VPS8: variants seen among roughly 807,000 people sequenced by gnomAD.
The protein encoded by VPS8 is vacuolar protein sorting-associated protein 8 homolog.
In VPS8, 129 loss-of-function variants were observed where a neutral mutation model predicts 216.4. The observed-to-expected ratio is 0.60, with a 90% CI of 0.52 to 0.69. The LOEUF (loss-of-function observed/expected upper bound fraction) is 0.69. Among genes scored for constraint, VPS8 ranks in the 30% least tolerant of loss-of-function variants. The pLI is 0.00. For missense variants in VPS8, 1,531 were observed against 1,683.5 expected (o/e 0.91, Z 1.59); for synonymous variants, 571 against 565.4 (o/e 1.01, Z -0.14).
Position 184,828,965 on chromosome 3 carries a change from T to C in VPS8, c.222+2734T>C, listed in dbSNP as rs1719404495. ...GATTAAGTTTGCCTGCTTTGAACTT[T>C]ATATAAATGGAATTATATAGTGTGT... On this transcript the variant is annotated intron_variant, in intron 3 of 47. Coordinates refer to ENST00000625842, the MANE Select transcript of VPS8 (RefSeq NM_001009921.3). 2.0e-5 allele frequency among the ~76,000 whole-genome samples: 3 copies of C among 152,252 alleles called. No homozygotes were observed. The South Asian group carries it at 6.2e-4, about 31-fold the overall frequency.
intron 37 of VPS8, among the ~76,000 whole-genome samples, chr3:184,960,109 A>G (rs989655838): frequency 6.6e-6 from 1 of 151,690 alleles, no homozygotes; most frequent in Non-Finnish European, 1.5e-5. Context: ...TGTCCTTGCG[A>G]TAGTTTGCTG....
chr3:185,028,265 T>A (rs1757663233), intron 46 of VPS8, among the ~76,000 whole-genome samples: 2 of 152,174 alleles, frequency 1.3e-5, no homozygotes, highest in East Asian at 3.8e-4. Flanking sequence ...TCACAGTGGG[T>A]CAGTGGGCGG....
In VPS8 at chr3:185,034,565, A is replaced by G. The variant is rs117971346; in HGVS notation, c.4056+10176A>G. ...TTTGTTGGATGCATAGTTTGAGAAT[A>G]TCTCCTCCTGTTCTGTAGATTGTCT... On this transcript the variant is annotated intron_variant, in intron 46 of 47. Transcript: ENST00000625842. Among the ~76,000 whole-genome samples the G allele has an allele frequency of 7.5e-4, 114 of 152,110 alleles. 1 individual carries two copies. In the East Asian group the frequency reaches 0.019, roughly 26 times the overall value.
chr3:184,954,119 T>G (rs922092401), intron 36 of VPS8, among the ~76,000 whole-genome samples: 2 of 152,170 alleles, frequency 1.3e-5, no homozygotes, highest in African/African-American at 4.8e-5. Context: ...ATTTACTGGT[T>G]TATAATAAAG....
intron 36 of VPS8, among the ~76,000 whole-genome samples, chr3:184,955,575 GT>G (rs1745445458): frequency 1.3e-5 from 2 of 151,756 alleles, no homozygotes; most frequent in Admixed American, 6.6e-5. Flanking sequence ...GGTGGTAGTG[GT>G]TCCCCGGGCC....
At chr3:184,846,427 C>T (rs1048022107) in intron 8 of VPS8, among the ~76,000 whole-genome samples, 1 of 152,182 alleles carries the variant, frequency 6.6e-6, no homozygotes, top group African/African-American at 2.4e-5. Flanking sequence ...CATCCATTGC[C>T]ACTCTTCTCT....
chr3:184,826,376 A>G, intron 3 of VPS8, 145 bp downstream of exon 3: 1 of 514,448 alleles, frequency 1.9e-6, no homozygotes, highest in Non-Finnish European at 3.3e-6. Flanking sequence ...ATTTAAATTA[A>G]TTATAATCAA....
At chr3:184,904,425 C>G (rs889985875) in intron 25 of VPS8, among the ~76,000 whole-genome samples, 29 of 152,322 alleles carry the variant, frequency 1.9e-4, no homozygotes, top group African/African-American at 7.0e-4. Flanking sequence ...TGAATTTTAT[C>G]AGATGCTTTT....
At position 184,942,886 on chromosome 3, in the gene VPS8, C is replaced by T. The variant is rs190840668; in HGVS notation, c.3035+2643C>T. On this transcript the variant is annotated intron_variant, in intron 36 of 47. Coordinates refer to ENST00000625842, the MANE Select transcript of VPS8 (RefSeq NM_001009921.3). ...ATAATACTAGTAACATATTGAGTTCCGGATTGAGGGAGAGAAAGTAGGTTA... is the reference window on the plus strand; with the variant it reads ...ATAATACTAGTAACATATTGAGTTCTGGATTGAGGGAGAGAAAGTAGGTTA... Among the ~76,000 whole-genome samples, 188 of 152,034 alleles carry T rather than the reference C, an allele frequency of 1.2e-3. 2 individuals are homozygous for T. Among genetic ancestry groups the T allele is most frequent in the African/African-American group, 4.3e-3 (180 of 41,460 alleles).
intron 44 of VPS8, 93 bp downstream of exon 44, chr3:184,996,594 T>C (rs955413192): frequency 1.6e-5 from 23 of 1,410,660 alleles, no homozygotes; most frequent in Admixed American, 2.2e-5. Context: ...GTAGTCATTC[T>C]AGCAGTGAAC....
At position 184,995,706 on chromosome 3, in the gene VPS8, G is replaced by A. The variant is rs149241022; in HGVS notation, c.3667-626G>A. ...AAACAATACTATATAAATACATAGAGCCTTAAAATGACTTAATGTGATAGC... is the reference window on the plus strand; with the variant it reads ...AAACAATACTATATAAATACATAGAACCTTAAAATGACTTAATGTGATAGC... On this transcript the variant is annotated intron_variant, in intron 43 of 47. Coordinates refer to ENST00000625842, the MANE Select transcript of VPS8 (RefSeq NM_001009921.3). 1.5e-3 allele frequency among the ~76,000 whole-genome samples: 232 copies of A among 152,250 alleles called. 2 individuals are homozygous for A. The highest frequency in any genetic ancestry group is 6.9e-4 in the Non-Finnish European group (47 of 68,020).
intron 43 of VPS8, among the ~76,000 whole-genome samples, chr3:184,995,828 G>T (rs961095665): frequency 2.0e-5 from 3 of 152,144 alleles, no homozygotes; most frequent in Non-Finnish European, 4.4e-5. Flanking sequence ...TGATCTCTCT[G>T]CCCAAGGAAG....
At chr3:184,936,644 G>A (rs994167314) in intron 35 of VPS8, among the ~76,000 whole-genome samples, 3 of 150,256 alleles carry the variant, frequency 2.0e-5, no homozygotes, top group African/African-American at 7.4e-5. Context: ...CTTCAAAGAA[G>A]CATTTCTGGA....
At position 185,009,985 on chromosome 3, in the gene VPS8, CAAAAAAA is replaced by C. The variant is rs11367805; in HGVS notation, c.4002+10139_4002+10145del. Among the ~76,000 whole-genome samples the C allele has an allele frequency of 3.1e-3, 287 of 91,398 alleles. 1 individual carries two copies. Among genetic ancestry groups the C allele is most frequent in the Middle Eastern group, 0.015 (3 of 196 alleles). The allele number at this position is 91,398 out of a possible 152,430, so 60.0% of individuals were successfully genotyped here. A position where few individuals can be genotyped will look rare whatever the true frequency, so the allele number is the denominator to read the frequency against. Reference sequence around the variant, plus strand: ...CTGTGTGAGGAAACTACTTCAGGTCCAAAAAAAAAAAAAAAAAAAAAGGTGCCACCCA... The same window carrying C: ...CTGTGTGAGGAAACTACTTCAGGTCCAAAAAAAAAAAAAAGGTGCCACCCA... On this transcript the variant is annotated intron_variant, in intron 45 of 47. Transcript: ENST00000625842.
chr3:184,944,032 G>T (rs956855105), intron 36 of VPS8, among the ~76,000 whole-genome samples: 10 of 124,584 alleles, frequency 8.0e-5, no homozygotes, highest in African/African-American at 3.4e-4. Flanking sequence ...AACCTGGGAG[G>T]CAGAGGTTGC....
chr3:184,888,306 T>TA (rs1290788393), intron 22 of VPS8, among the ~76,000 whole-genome samples: 2 of 152,144 alleles, frequency 1.3e-5, no homozygotes, highest in African/African-American at 4.8e-5. Context: ...TACTTTATAT[T>TA]ACACATGGTC....
At chr3:184,977,884 C>CTTT (rs55727843) in intron 40 of VPS8, among the ~76,000 whole-genome samples, 23 of 131,250 alleles carry the variant, frequency 1.8e-4, no homozygotes, top group Non-Finnish European at 2.4e-4. Context: ...TTTCTTTTTT[C>CTTT]TTTTTTTTTT....
intron 25 of VPS8, among the ~76,000 whole-genome samples, chr3:184,903,867 CT>C (rs1275010218): frequency 6.6e-6 from 1 of 152,160 alleles, no homozygotes; most frequent in Admixed American, 6.5e-5. Flanking sequence ...ATTACCAAAT[CT>C]TTCAGTTCAT....
chr3:184,863,647 A>C (rs1156784894), intron 16 of VPS8, among the ~76,000 whole-genome samples: 1 of 152,240 alleles, frequency 6.6e-6, no homozygotes, highest in East Asian at 1.9e-4. Flanking sequence ...TTATTGTATC[A>C]TTAAGCAACT....
Sources: allele counts gnomAD v4.1 joint callset (sites outside exome capture counted in the v4.1 genomes callset), GRCh38; gene constraint gnomAD v4.1.1; transcripts MANE v1.5; gene names NCBI Gene and HGNC (gene_info 2026-07-23, HGNC 2026-07-21).